The following AKT3 variants were observed in gnomAD, a reference collection of about 807,000 sequenced individuals.
AKT3 encodes the protein RAC-gamma serine/threonine-protein kinase.
A neutral mutation model predicts 65.3 loss-of-function variants in AKT3; 15 were observed. The ratio of observed to expected loss-of-function variants is 0.23; its 90% CI spans 0.15 to 0.35. AKT3 has a LOEUF of 0.35. AKT3 is among the 10% of genes least tolerant of loss of function. The pLI is 1.00. For synonymous variants in AKT3, 206 were observed against 183.8 expected, an observed-to-expected ratio of 1.12 and a Z score of -0.98; for missense variants, 243 against 576.5, an observed-to-expected ratio of 0.42 and a Z score of 5.92.
intron 2 of AKT3, among the ~76,000 whole-genome samples, chr1:243,797,782 A>T (rs1228637440): frequency 6.6e-6 from 1 of 151,840 alleles, no homozygotes; most frequent in African/African-American, 2.4e-5. Flanking sequence ...TTAAGCATGT[A>T]TAACTATCAG....
chr1:243,646,420 TCTCAGCTCACTGCAA>T (rs1680822115), intron 4 of AKT3, among the ~76,000 whole-genome samples: 1 of 152,044 alleles, frequency 6.6e-6, no homozygotes, highest in Admixed American at 6.6e-5. Context: ...AATAGCATGA[TCTCAGCTCACTGCAA>T]CCTCCACCTC....
intron 2 of AKT3, among the ~76,000 whole-genome samples, chr1:243,742,921 GCAA>G (rs762489715): frequency 2.6e-5 from 4 of 151,214 alleles, no homozygotes; most frequent in Non-Finnish European, 5.9e-5. Flanking sequence ...AACATTGACT[GCAA>G]CAACAAACAC....
intron 1 of AKT3, 155 bp from the exon 2 acceptor site, chr1:243,843,437 T>C: frequency 5.5e-6 from 6 of 1,089,370 alleles, no homozygotes; most frequent in Non-Finnish European, 7.0e-6. Context: ...TAAATAGTTC[T>C]ATAATGAAAG....
chr1:243,592,334 C>CAA (rs1293482423), intron 8 of AKT3, among the ~76,000 whole-genome samples: 2 of 131,330 alleles, frequency 1.5e-5, no homozygotes, highest in Admixed American at 1.6e-4. Flanking sequence ...GACTCCGTCT[C>CAA]AAAAAAAAAA....
At chr1:243,518,159 T>G (rs1358085947) in intron 12 of AKT3, among the ~76,000 whole-genome samples, 4 of 152,344 alleles carry the variant, frequency 2.6e-5, no homozygotes, top group South Asian at 4.1e-4. Flanking sequence ...GAAAACTACT[T>G]TTGCTTTTGA....
intron 8 of AKT3, among the ~76,000 whole-genome samples, chr1:243,607,953 T>C (rs998921981): frequency 6.6e-6 from 1 of 152,168 alleles, no homozygotes; most frequent in African/African-American, 2.4e-5. Context: ...CATGTTTGCT[T>C]CCCCTTCCAC....
intron 1 of AKT3, chr1:243,843,599 G>A: frequency 4.0e-6 from 4 of 995,988 alleles, no homozygotes; most frequent in Non-Finnish European, 4.8e-6. Flanking sequence ...AGAGGGAAGA[G>A]AATGAAAGTT....
intron 11 of AKT3, chr1:243,548,140 G>A (rs527396879): frequency 5.9e-5 from 9 of 152,260 alleles, no homozygotes; most frequent in African/African-American, 1.7e-4. Context: ...ACCAAAACAC[G>A]TTTCTGAAAA....
downstream of AKT3, among the ~76,000 whole-genome samples, chr1:243,497,489 T>C (rs1223970993): frequency 4.6e-5 from 7 of 152,238 alleles, no homozygotes; most frequent in East Asian, 1.2e-3. Flanking sequence ...TGACTTTTGA[T>C]TGGTTCCTGG....
intron 13 of AKT3, among the ~76,000 whole-genome samples, chr1:243,509,926 G>A (rs1033588788): frequency 6.6e-6 from 1 of 152,120 alleles, no homozygotes; most frequent in Non-Finnish European, 1.5e-5. Context: ...CACAAGGCAG[G>A]TTCCCCAGGT....
At chr1:243,651,572 ATACT>A (rs1424548190) in intron 4 of AKT3, among the ~76,000 whole-genome samples, 1 of 152,116 alleles carries the variant, frequency 6.6e-6, no homozygotes, top group African/African-American at 2.4e-5. Context: ...CATTCCATCG[ATACT>A]TAGTTTATTG....
intron 12 of AKT3, among the ~76,000 whole-genome samples, chr1:243,535,193 AATAT>A (rs377285954): frequency 4.8e-3 from 51 of 10,596 alleles, no homozygotes; most frequent in African/African-American, 0.018. Context: ...ATAATTTTAA[AATAT>A]ATTTTAAAAT....
chr1:243,744,724 G>A (rs1282239820), intron 2 of AKT3, among the ~76,000 whole-genome samples: 1 of 142,936 alleles, frequency 7.0e-6, no homozygotes, highest in Non-Finnish European at 1.5e-5. Context: ...GGGTGACAGA[G>A]CGAGACTCCG....
chr1:243,625,380 G>A (rs150593343), intron 6 of AKT3, among the ~76,000 whole-genome samples: 54 of 151,370 alleles, frequency 3.6e-4, no homozygotes, highest in African/African-American at 7.8e-4. Flanking sequence ...TGATCTGCCC[G>A]ACTTGGCCTC....
intron 2 of AKT3, among the ~76,000 whole-genome samples, chr1:243,795,455 T>TTTTTTTG: frequency 8.0e-6 from 1 of 124,452 alleles, no homozygotes; most frequent in Non-Finnish European, 1.6e-5. Context: ...CCTTGTTTTT[T>TTTTTTTG]TTTTTTGTTT....
At chr1:243,569,638 T>G (rs189896777) in intron 9 of AKT3, among the ~76,000 whole-genome samples, 55 of 152,336 alleles carry the variant, frequency 3.6e-4, no homozygotes, top group Admixed American at 4.6e-4. Flanking sequence ...TTTGGTGCTT[T>G]CTCATATTAA....
At chr1:243,678,323 A>C (rs1391839546) in intron 3 of AKT3, among the ~76,000 whole-genome samples, 1 of 152,116 alleles carries the variant, frequency 6.6e-6, no homozygotes, top group Admixed American at 6.5e-5. Flanking sequence ...ACAACAACAA[A>C]AACAATAAAA....
At chr1:243,631,579 A>G (rs1290347118) in intron 6 of AKT3, among the ~76,000 whole-genome samples, 2 of 152,162 alleles carry the variant, frequency 1.3e-5, no homozygotes, top group African/African-American at 4.8e-5. Flanking sequence ...ATGAGCCACC[A>G]TGCCCAGCGT....
intron 2 of AKT3, among the ~76,000 whole-genome samples, chr1:243,795,846 C>G (rs978579986): frequency 6.6e-6 from 1 of 152,088 alleles, no homozygotes; most frequent in Admixed American, 6.6e-5. Context: ...ATTAATTTTG[C>G]AAAGAATAAA....
Sources: gnomAD v4.1 joint callset for allele counts (sites outside exome capture counted in the v4.1 genomes callset) on GRCh38, gnomAD v4.1.1 for gene constraint, MANE v1.5 for transcripts, NCBI Gene and HGNC (gene_info 2026-07-23, HGNC 2026-07-21) for gene names.